Variants in DOCK2 observed in about 807,000 individuals in gnomAD.
DOCK2 encodes the protein dedicator of cytokinesis protein 2.
A neutral mutation model predicts 248.9 loss-of-function variants in DOCK2; 87 were observed. That is an observed-to-expected ratio of 0.35 (90% CI 0.29 to 0.42). The LOEUF (loss-of-function observed/expected upper bound fraction) is 0.42. DOCK2 is among the 10% of genes least tolerant of loss of function. DOCK2 has a pLI of 1.00. For synonymous variants in DOCK2, 805 were observed against 821.6 expected, an observed-to-expected ratio of 0.98 and a Z score of 0.35; for missense variants, 1,747 against 2,300.2, an observed-to-expected ratio of 0.76 and a Z score of 4.92.
chr5:170,063,411 G>T (rs1420486625), intron 44 of DOCK2, among the ~76,000 whole-genome samples: 1 of 152,090 alleles, frequency 6.6e-6, no homozygotes, highest in Non-Finnish European at 1.5e-5. Flanking sequence ...CACTTCCAGG[G>T]GTTACATCCC....
chr5:169,653,423 C>T (rs1263532059), intron 1 of DOCK2, among the ~76,000 whole-genome samples: 1 of 152,168 alleles, frequency 6.6e-6, no homozygotes, highest in Non-Finnish European at 1.5e-5. Context: ...GTAGCTGTCA[C>T]CAGCTAGAGC....
chr5:170,042,382 A>G (rs1289784215), intron 38 of DOCK2, among the ~76,000 whole-genome samples: 2 of 152,176 alleles, frequency 1.3e-5, no homozygotes, highest in Admixed American at 1.3e-4. Flanking sequence ...CCAACAGATC[A>G]TCCTCCATAT....
At chr5:169,655,155 C>T (rs1359168392) in intron 2 of DOCK2, among the ~76,000 whole-genome samples, 3 of 152,220 alleles carry the variant, frequency 2.0e-5, no homozygotes, top group Admixed American at 6.5e-5. Context: ...ATATTGGGAG[C>T]ATGGCTTGGG....
intron 27 of DOCK2, among the ~76,000 whole-genome samples, chr5:169,969,093 T>G (rs1777405299): frequency 6.6e-6 from 1 of 152,074 alleles, no homozygotes; most frequent in Non-Finnish European, 1.5e-5. Context: ...AAGGCTACAG[T>G]GAGCCATGAT....
At chr5:169,699,906 C>A in intron 12 of DOCK2, 108 bp from the exon 13 acceptor site, 1 of 1,521,090 alleles carries the variant, frequency 6.6e-7, no homozygotes. Context: ...GGCTGTATGA[C>A]TCTGTTCCCA....
intron 29 of DOCK2, among the ~76,000 whole-genome samples, chr5:169,986,446 A>C (rs900684592): frequency 6.6e-6 from 1 of 152,172 alleles, no homozygotes. Flanking sequence ...GTGTGTATCT[A>C]TAATACCCGT....
At chr5:169,790,454 G>A (rs1266373944) in intron 25 of DOCK2, among the ~76,000 whole-genome samples, 1 of 152,208 alleles carries the variant, frequency 6.6e-6, no homozygotes, top group Non-Finnish European at 1.5e-5. Context: ...AGGGAAAATG[G>A]AAATCTGAGG....
At chr5:169,994,742 AAGGTT>A (rs1367569146) in intron 29 of DOCK2, among the ~76,000 whole-genome samples, 5 of 152,156 alleles carry the variant, frequency 3.3e-5, no homozygotes, top group Admixed American at 6.5e-5. Flanking sequence ...CCTAGAAAAG[AAGGTT>A]GGGGTCCCAT....
intron 22 of DOCK2, among the ~76,000 whole-genome samples, chr5:169,724,150 T>A (rs1240122785): frequency 6.6e-6 from 1 of 152,140 alleles, no homozygotes; most frequent in Admixed American, 6.5e-5. Context: ...GGGGCTGTCC[T>A]GAGGGAGGGC....
chr5:169,752,987 C>A (rs530917749), intron 23 of DOCK2, among the ~76,000 whole-genome samples: 1 of 152,224 alleles, frequency 6.6e-6, no homozygotes, highest in East Asian at 1.9e-4. Context: ...ATTGCTTGAA[C>A]CTGGGAGGTG....
At chr5:169,687,626 C>T (rs59569952) in intron 8 of DOCK2, among the ~76,000 whole-genome samples, 1,616 of 152,228 alleles carry the variant, frequency 0.011, 33 homozygotes, top group African/African-American at 0.037. Context: ...TCCTAAATGG[C>T]GTGGAAAATC....
intron 27 of DOCK2, among the ~76,000 whole-genome samples, chr5:169,931,295 A>G (rs967324882): frequency 6.6e-6 from 1 of 152,236 alleles, no homozygotes; most frequent in African/African-American, 2.4e-5. Context: ...TGACAAAGCC[A>G]TCAAAGTACA....
rs1308884283 is a variant in DOCK2 at position 170,077,738 on chromosome 5, G to A, written c.4895G>A (p.Arg1632His). 1.1e-5 allele frequency: 17 copies of A among 1,613,654 alleles called. No individual in the cohort carries two copies. Among genetic ancestry groups the A allele is most frequent in the East Asian group, 2.2e-5 (1 of 44,874 alleles). The change falls in exon 48 of 52, where the codon CGT (arginine) becomes CAT (histidine). Residue 1632 changes from arginine (R) to histidine (H), a missense_variant. By Grantham distance (29) the Arg-to-His change is conservative (BLOSUM62 0). Transcript: ENST00000520908. ...GACTTTGACGACAGGAGAGTGGGCC[G>A]TCCCAGGTCTATGCTGCGCTCATAC... ...MPDFDDRRVG[R>H]PRSMLRSYRQ...
intron 30 of DOCK2, among the ~76,000 whole-genome samples, chr5:170,005,913 C>T (rs751945711): frequency 6.6e-6 from 1 of 152,266 alleles, no homozygotes; most frequent in Non-Finnish European, 1.5e-5. Context: ...AATTGACTTG[C>T]TTTGTTGGAT....
At chr5:169,741,526 T>C (rs540973612) in intron 22 of DOCK2, among the ~76,000 whole-genome samples, 1 of 152,366 alleles carries the variant, frequency 6.6e-6, no homozygotes, top group East Asian at 1.9e-4. Flanking sequence ...AATCACTCTT[T>C]TGAAACCAGG....
chr5:169,714,999 G>A (rs1193224937), intron 19 of DOCK2, among the ~76,000 whole-genome samples: 1 of 152,040 alleles, frequency 6.6e-6, no homozygotes, highest in East Asian at 1.9e-4. Context: ...ATAGTAGTAT[G>A]ATCTGTTAGT....
chr5:169,852,471 G>A (rs261080), intron 27 of DOCK2, among the ~76,000 whole-genome samples: 47,879 of 152,026 alleles, frequency 0.31, 9,804 homozygotes, highest in African/African-American at 0.59. Flanking sequence ...TGACAGGCTG[G>A]GAGCCAGTGT....
intron 36 of DOCK2, 78 bp from the exon 37 acceptor site, chr5:170,040,977 C>G: frequency 7.5e-7 from 1 of 1,326,926 alleles, no homozygotes. Flanking sequence ...CAGTTGTTCT[C>G]TGGGCTCCTG....
At chr5:169,944,917 C>T (rs1332919165) in intron 27 of DOCK2, among the ~76,000 whole-genome samples, 2 of 152,220 alleles carry the variant, frequency 1.3e-5, no homozygotes, top group Admixed American at 6.5e-5. Flanking sequence ...TGTCTCTTGT[C>T]TGCTACATGT....
Sources: gnomAD v4.1 joint callset for allele counts (sites outside exome capture counted in the v4.1 genomes callset) on GRCh38, gnomAD v4.1.1 for gene constraint, MANE v1.5 for transcripts, NCBI Gene and HGNC (gene_info 2026-07-23, HGNC 2026-07-21) for gene names.